The following ZFAND3 variants were observed in gnomAD, a reference collection of about 807,000 sequenced individuals.
ZFAND3 encodes the protein AN1-type zinc finger protein 3.
Under a neutral mutation model 29.6 loss-of-function variants are expected in ZFAND3, and 10 were observed. The ratio of observed to expected loss-of-function variants is 0.34; its 90% CI spans 0.21 to 0.57. The LOEUF is 0.57. Among genes scored for constraint, ZFAND3 ranks in the 20% least tolerant of loss-of-function variants. ZFAND3 has a pLI of 0.86. For synonymous variants in ZFAND3, 128 were observed against 112.6 expected (o/e 1.14, Z -0.87); for missense variants, 230 against 304.5 (o/e 0.76, Z 1.82).
chr6:38,065,585 G>T (rs1322817217), intron 3 of ZFAND3, among the ~76,000 whole-genome samples: 1 of 152,172 alleles, frequency 6.6e-6, no homozygotes, highest in African/African-American at 2.4e-5. Context: ...ATTAGGGTAG[G>T]TGCTTTTATT....
chr6:38,071,797 A>G (rs976383604), intron 3 of ZFAND3, among the ~76,000 whole-genome samples: 10 of 152,188 alleles, frequency 6.6e-5, no homozygotes, highest in African/African-American at 4.8e-5. Flanking sequence ...ATTTTATGCT[A>G]CTTTGCTCTG....
At chr6:37,844,258 G>GTCTTTCCTTGTCTT (rs1367894578) in intron 1 of ZFAND3, among the ~76,000 whole-genome samples, 1 of 151,294 alleles carries the variant, frequency 6.6e-6, no homozygotes, top group African/African-American at 2.4e-5. Context: ...CTGTCTTTCT[G>GTCTTTCCTTGTCTT]TCTTTCCTTG....
chr6:37,856,222 G>T (rs1235795821), intron 1 of ZFAND3, among the ~76,000 whole-genome samples: 2 of 151,888 alleles, frequency 1.3e-5, no homozygotes, highest in Admixed American at 1.3e-4. Flanking sequence ...TCAAACTCCT[G>T]AGCTCAAAGT....
At chr6:38,037,626 C>G (rs1404966109) in intron 2 of ZFAND3, among the ~76,000 whole-genome samples, 1 of 152,170 alleles carries the variant, frequency 6.6e-6, no homozygotes, top group Non-Finnish European at 1.5e-5. Flanking sequence ...CTTATTCATG[C>G]CCAGAGTAGG....
intron 1 of ZFAND3, among the ~76,000 whole-genome samples, chr6:37,921,898 A>AG (rs59006032): frequency 1.4e-4 from 21 of 149,700 alleles, no homozygotes; most frequent in Non-Finnish European, 1.9e-4. Flanking sequence ...AAAAAAAAAA[A>AG]CAAACCCACA....
At chr6:38,130,774 T>G (rs1322560729) in intron 5 of ZFAND3, among the ~76,000 whole-genome samples, 1 of 152,196 alleles carries the variant, frequency 6.6e-6, no homozygotes, top group African/African-American at 2.4e-5. Context: ...TGTAGTTTTC[T>G]TTTTTGGTTA....
chr6:38,153,309 G>A lies in ZFAND3; in HGVS notation c.*920G>A, dbSNP rs2127500138. ...TCATAGCCAACAAGAATCAGTAGAA[G>A]TGCTGGGAGCAGCAGCTGGGGAAGC... is the stretch of plus-strand genomic sequence containing the variant. On this transcript the variant is annotated 3_prime_UTR_variant, in exon 6 of 6. Coordinates refer to ENST00000287218, the MANE Select transcript of ZFAND3 (RefSeq NM_021943.3). 1.0e-6 allele frequency: 1 copy of A among 985,502 alleles called. No individual in the cohort carries two copies. The allele number at this position is 985,502 out of a possible 1,614,324, so 61.0% of individuals were successfully genotyped here.
At chr6:37,963,608 C>CA (rs1762238957) in intron 2 of ZFAND3, among the ~76,000 whole-genome samples, 1 of 151,922 alleles carries the variant, frequency 6.6e-6, no homozygotes, top group South Asian at 2.1e-4. Flanking sequence ...AAAAAAGATC[C>CA]AAATAAATAA....
At chr6:37,898,393 TCTATTG>T (rs1765258606) in intron 1 of ZFAND3, among the ~76,000 whole-genome samples, 1 of 152,250 alleles carries the variant, frequency 6.6e-6, no homozygotes, top group Non-Finnish European at 1.5e-5. Flanking sequence ...ACATGCTGTC[TCTATTG>T]CTGTAGCTTT....
chr6:38,134,230 A>G (rs1001810645), intron 5 of ZFAND3, among the ~76,000 whole-genome samples: 2 of 152,182 alleles, frequency 1.3e-5, no homozygotes, highest in Non-Finnish European at 1.5e-5. Flanking sequence ...TTCTGTTGAC[A>G]TGCACATTCC....
chr6:38,148,200 T>G (rs1766149134), intron 5 of ZFAND3, among the ~76,000 whole-genome samples: 1 of 152,194 alleles, frequency 6.6e-6, no homozygotes, highest in Non-Finnish European at 1.5e-5. Context: ...CTGAGCACCA[T>G]TTATTGAAGA....
At chr6:38,047,528 A>G (rs1763927980) in intron 2 of ZFAND3, among the ~76,000 whole-genome samples, 1 of 152,154 alleles carries the variant, frequency 6.6e-6, no homozygotes, top group Non-Finnish European at 1.5e-5. Flanking sequence ...GTGCACACAC[A>G]CTATGAATCC....
chr6:37,827,769 A>G (rs1017884248), intron 1 of ZFAND3, among the ~76,000 whole-genome samples: 2 of 152,316 alleles, frequency 1.3e-5, no homozygotes, highest in African/African-American at 2.4e-5. Flanking sequence ...ACATCTGTTC[A>G]TTTAGCTGTA....
intron 2 of ZFAND3, among the ~76,000 whole-genome samples, chr6:37,983,915 C>G (rs1359894264): frequency 6.6e-6 from 1 of 152,140 alleles, no homozygotes; most frequent in Non-Finnish European, 1.5e-5. Context: ...CAAAAGATAA[C>G]CCCATTGTTC....
At chr6:37,905,745 A>G (rs1181921744) in intron 1 of ZFAND3, among the ~76,000 whole-genome samples, 2 of 152,116 alleles carry the variant, frequency 1.3e-5, no homozygotes, top group African/African-American at 4.8e-5. Flanking sequence ...CTTATTAGTT[A>G]AGTTGCCTCA....
chr6:38,035,141 C>T (rs557651185), intron 2 of ZFAND3, among the ~76,000 whole-genome samples: 94 of 152,108 alleles, frequency 6.2e-4, no homozygotes, highest in African/African-American at 2.1e-3. Context: ...AAGTTTTATA[C>T]ATGCATTAAA....
intron 1 of ZFAND3, among the ~76,000 whole-genome samples, chr6:37,857,514 GTT>G (rs1200251278): frequency 6.6e-6 from 1 of 152,106 alleles, no homozygotes; most frequent in African/African-American, 2.4e-5. Flanking sequence ...GCATGGGGCA[GTT>G]TTTTTGGATT....
At chr6:37,885,359 C>A (rs1764970786) in intron 1 of ZFAND3, among the ~76,000 whole-genome samples, 2 of 152,136 alleles carry the variant, frequency 1.3e-5, no homozygotes, top group Non-Finnish European at 2.9e-5. Context: ...AAATGAAGAT[C>A]TGGGCTAGAC....
intron 2 of ZFAND3, among the ~76,000 whole-genome samples, chr6:37,982,103 C>G (rs970990700): frequency 6.6e-6 from 1 of 151,920 alleles, no homozygotes; most frequent in African/African-American, 2.4e-5. Context: ...ATCAGATGTG[C>G]GTTTGTCTCA....
Sources: allele counts gnomAD v4.1 joint callset (sites outside exome capture counted in the v4.1 genomes callset), GRCh38; gene constraint gnomAD v4.1.1; transcripts MANE v1.5; gene names NCBI Gene and HGNC (gene_info 2026-07-23, HGNC 2026-07-21).